The following HECW2 variants were observed in gnomAD, a reference collection of about 807,000 sequenced individuals.
HECW2 encodes HECT, C2 and WW domain containing E3 ubiquitin protein ligase 2.
In HECW2, 61 loss-of-function variants were observed where a neutral mutation model predicts 175.2. That is an observed-to-expected ratio of 0.35 (90% CI 0.28 to 0.43). The LOEUF (loss-of-function observed/expected upper bound fraction) is 0.43, where lower values mean the gene tolerates loss of function less well. Among genes scored for constraint, HECW2 ranks in the 20% least tolerant of loss-of-function variants. The pLI is 1.00. For synonymous variants in HECW2, 671 were observed against 731.0 expected, an observed-to-expected ratio of 0.92 and a Z score of 1.32; for missense variants, 1,524 against 2,000.5, an observed-to-expected ratio of 0.76 and a Z score of 4.54.
chr2:196,295,505 A>G (rs1690776817), intron 13 of HECW2, among the ~76,000 whole-genome samples: 1 of 152,206 alleles, frequency 6.6e-6, no homozygotes, highest in Non-Finnish European at 1.5e-5. Flanking sequence ...ACCTAAGAGT[A>G]AAACAAATAT....
intron 2 of HECW2, among the ~76,000 whole-genome samples, chr2:196,360,471 C>T (rs1315801994): frequency 6.6e-6 from 1 of 152,092 alleles, no homozygotes; most frequent in South Asian, 2.1e-4. Context: ...TGCATGTTCT[C>T]ACTTGTAAGT....
At chr2:196,243,702 C>G (rs1688548152) in intron 19 of HECW2, among the ~76,000 whole-genome samples, 1 of 151,798 alleles carries the variant, frequency 6.6e-6, no homozygotes, top group Non-Finnish European at 1.5e-5. Flanking sequence ...GCCTCAGCCT[C>G]CCGAGTAGCT....
chr2:196,343,733 A>T lies in HECW2; in HGVS notation c.324T>A (p.Ser108=). ...GTGTTCCAGTCACACCCCTGTTCTT[A>T]GAATCCCAGAAGTTGGCTGGAGAAT... is the stretch of plus-strand genomic sequence containing the variant. The part of the protein sequence containing the change: ...DENSPANFWD[S]KNRGVTGTQK... Residue 108 remains serine (S), a synonymous_variant, in exon 3 of 29, where the codon TCT becomes TCA. Transcript: ENST00000644978. The T allele has an allele frequency of 6.2e-7, 1 of 1,613,690 alleles. No individual in the cohort carries two copies.
chr2:196,559,018 G>A (rs1197653746), intron 1 of HECW2, among the ~76,000 whole-genome samples: 6 of 152,064 alleles, frequency 3.9e-5, no homozygotes, highest in Admixed American at 3.9e-4. Flanking sequence ...AACAACCCAG[G>A]GAGATAGAAA....
intron 24 of HECW2, among the ~76,000 whole-genome samples, chr2:196,221,914 C>T (rs1294979216): frequency 6.6e-6 from 1 of 152,136 alleles, no homozygotes; most frequent in Non-Finnish European, 1.5e-5. Context: ...TAAAAAACTG[C>T]ATTCTATATA....
At chr2:196,418,219 C>T (rs1426778112) in intron 2 of HECW2, among the ~76,000 whole-genome samples, 2 of 151,934 alleles carry the variant, frequency 1.3e-5, no homozygotes, top group African/African-American at 4.8e-5. Context: ...AGCTCTGCCT[C>T]CCGGGTTCAC....
rs1297477566 is a variant in HECW2, at chr2:196,242,251, C to T, written c.3530-47G>A. 5 of 1,611,868 alleles carry T rather than the reference C, an allele frequency of 3.1e-6. No homozygotes were observed. In the South Asian group the frequency reaches 5.5e-5, roughly 18 times the overall value. ...GGACAATCTGGATTTGTGCCTCGTCCTTATGTTCATCACATCACCATGGAC... is the reference window on the plus strand; with the variant it reads ...GGACAATCTGGATTTGTGCCTCGTCTTTATGTTCATCACATCACCATGGAC... On this transcript the variant is annotated intron_variant, in intron 19 of 28. Transcript: ENST00000644978.
rs1242361808 is a variant in HECW2, at chr2:196,508,941, G to A, written c.-35-75483C>T. Among the ~76,000 whole-genome samples, 18 of 152,228 alleles carry A rather than the reference G, an allele frequency of 1.2e-4. No homozygotes were observed. The East Asian group carries it at 1.3e-3, about 11-fold the overall frequency. On this transcript the variant is annotated intron_variant, in intron 1 of 28. Transcript: ENST00000644978. ...AAATTAGCCAGGCGTGGTGGTGGGC[G>A]CCTGTAGTCCCAGCTACTCAGGAGG... is the stretch of plus-strand genomic sequence containing the variant.
chr2:196,579,565 C>A (rs186979347), intron 1 of HECW2, among the ~76,000 whole-genome samples: 2 of 151,954 alleles, frequency 1.3e-5, no homozygotes, highest in African/African-American at 2.4e-5. Flanking sequence ...AATTTTAAGT[C>A]GAAAAATATA....
chr2:196,204,622 T>G (rs1295393977), intron 28 of HECW2, among the ~76,000 whole-genome samples: 1 of 152,212 alleles, frequency 6.6e-6, no homozygotes, highest in Non-Finnish European at 1.5e-5. Context: ...AAGACCCAGC[T>G]AAGCTGTGCC....
At chr2:196,380,242 T>C (rs1476780067) in intron 2 of HECW2, among the ~76,000 whole-genome samples, 1 of 152,196 alleles carries the variant, frequency 6.6e-6, no homozygotes, top group Non-Finnish European at 1.5e-5. Context: ...CTGTGTGTGT[T>C]TGATGGAACA....
intron 10 of HECW2, among the ~76,000 whole-genome samples, chr2:196,311,792 A>G (rs1484166356): frequency 1.3e-5 from 2 of 152,170 alleles, no homozygotes; most frequent in Non-Finnish European, 2.9e-5. Flanking sequence ...GTTGGATTCC[A>G]TCTCAAAACA....
At chr2:196,213,147 T>G (rs1478753796) in intron 28 of HECW2, among the ~76,000 whole-genome samples, 1 of 152,266 alleles carries the variant, frequency 6.6e-6, no homozygotes, top group Non-Finnish European at 1.5e-5. Context: ...ATGTTGTCAA[T>G]GAAGAAGTTG....
chr2:196,248,580 A>AGAGC (rs1688732966), intron 19 of HECW2, among the ~76,000 whole-genome samples: 1 of 64,704 alleles, frequency 1.5e-5, no homozygotes, highest in Non-Finnish European at 4.2e-5. Flanking sequence ...GACAGATGAG[A>AGAGC]GAGAGAGAGA....
chr2:196,572,421 G>A (rs900692610), intron 1 of HECW2, among the ~76,000 whole-genome samples: 6 of 152,064 alleles, frequency 3.9e-5, no homozygotes, highest in Non-Finnish European at 8.8e-5. Flanking sequence ...GGGCTCAGGC[G>A]ATCTACTCAC....
chr2:196,271,299 A>C lies in HECW2; in HGVS notation c.3239-10T>G. ...ATCTTGTCATTGTAAGCTGAAAAAA[A>C]AATCAGAAAAGACAACAATTTAAAA... On this transcript the variant is annotated splice_polypyrimidine_tract_variant and intron_variant, in intron 16 of 28. Transcript: ENST00000644978. The C allele has an allele frequency of 6.4e-7, 1 of 1,557,082 alleles. No homozygotes were observed. The highest frequency in any genetic ancestry group is 8.8e-7 in the Non-Finnish European group (1 of 1,130,054).
chr2:196,498,006 G>GC (rs1202196098), intron 1 of HECW2, among the ~76,000 whole-genome samples: 1 of 152,168 alleles, frequency 6.6e-6, no homozygotes, highest in Non-Finnish European at 1.5e-5. Context: ...TCACTCTAAA[G>GC]CCCCCTATGT....
At chr2:196,411,246 C>T (rs902726272) in intron 2 of HECW2, among the ~76,000 whole-genome samples, 2 of 152,108 alleles carry the variant, frequency 1.3e-5, no homozygotes, top group African/African-American at 4.8e-5. Context: ...CTAAAGCAAT[C>T]CTCCCACCTC....
intron 21 of HECW2, among the ~76,000 whole-genome samples, chr2:196,229,315 G>GA (rs1280754255): frequency 8.1e-5 from 12 of 148,480 alleles, no homozygotes; most frequent in South Asian, 4.3e-4. Flanking sequence ...TTTTTTTAAT[G>GA]AAAAAAAAAT....
Sources: allele counts gnomAD v4.1 joint callset (sites outside exome capture counted in the v4.1 genomes callset), GRCh38; gene constraint gnomAD v4.1.1; transcripts MANE v1.5; gene names NCBI Gene and HGNC (gene_info 2026-07-23, HGNC 2026-07-21).